CD96: variants seen among roughly 807,000 people sequenced by gnomAD.
CD96 encodes CD96 molecule, also known as T-cell surface protein tactile.
A neutral mutation model predicts 71.3 loss-of-function variants in CD96; 70 were observed. That is an observed-to-expected ratio of 0.98 (90% CI 0.81 to 1.20). The LOEUF (loss-of-function observed/expected upper bound fraction) is 1.20. Ranked by LOEUF, CD96 falls within the 50% of genes most tolerant of loss-of-function variation. The pLI is 0.00. For missense variants in CD96, 742 were observed against 677.5 expected (o/e 1.10, Z -1.06); for synonymous variants, 248 against 233.0 (o/e 1.06, Z -0.59).
chr3:111,598,099 C>A (rs1559746815), intron 5 of CD96, 21 bp from the exon 6 acceptor site: 2 of 1,065,650 alleles, frequency 1.9e-6, no homozygotes, highest in Non-Finnish European at 1.5e-6. Context: ...GCAAATAATC[C>A]TTTTTCTGTC....
rs923047464 is a variant in CD96, at chr3:111,595,794, G to C, written c.808-2326G>C. 1.5e-4 allele frequency among the ~76,000 whole-genome samples: 23 copies of C among 151,998 alleles called. No individual in the cohort carries two copies. In the East Asian group the frequency reaches 4.2e-3, roughly 28 times the overall value. ...TAGATTGAGAAGGAAAACCTACCAA[G>C]AGGAGATAGGAAGACTCTAAAGAAG... On this transcript the variant is annotated intron_variant, in intron 5 of 13. Coordinates refer to ENST00000352690, the MANE Select transcript of CD96 (RefSeq NM_005816.5).
At chr3:111,554,634 A>G (rs907128958) in intron 2 of CD96, among the ~76,000 whole-genome samples, 25 of 152,120 alleles carry the variant, frequency 1.6e-4, no homozygotes, top group African/African-American at 5.6e-4. Flanking sequence ...TCAACAGTTC[A>G]GTGTTAAATT....
intron 10 of CD96, among the ~76,000 whole-genome samples, chr3:111,635,718 T>A (rs1939295655): frequency 6.6e-6 from 1 of 152,200 alleles, no homozygotes; most frequent in Non-Finnish European, 1.5e-5. Flanking sequence ...TATTTTTAAA[T>A]ACCCATTTTC....
At chr3:111,603,979 C>T (rs1004569358) in intron 7 of CD96, among the ~76,000 whole-genome samples, 7 of 152,086 alleles carry the variant, frequency 4.6e-5, no homozygotes, top group Non-Finnish European at 8.8e-5. Context: ...AGGGATCTTG[C>T]TAAAATACAA....
intron 2 of CD96, among the ~76,000 whole-genome samples, chr3:111,556,854 T>A (rs1381442997): frequency 6.6e-6 from 1 of 150,662 alleles, no homozygotes; most frequent in Non-Finnish European, 1.5e-5. Flanking sequence ...CTCCACATCC[T>A]CTCCAGCACC....
intron 10 of CD96, among the ~76,000 whole-genome samples, chr3:111,636,737 A>G (rs541022423): frequency 6.6e-6 from 1 of 152,362 alleles, no homozygotes; most frequent in Admixed American, 6.5e-5. Flanking sequence ...TTCACAGTTC[A>G]GCAAGACTGT....
At chr3:111,598,607 C>T (rs1937360340) in intron 6 of CD96, among the ~76,000 whole-genome samples, 1 of 152,224 alleles carries the variant, frequency 6.6e-6, no homozygotes, top group Admixed American at 6.5e-5. Context: ...TAACTTAGCA[C>T]CGCTGCTTTA....
intron 10 of CD96, chr3:111,634,351 T>G (rs1316438224): frequency 6.6e-6 from 1 of 152,212 alleles, no homozygotes; most frequent in Non-Finnish European, 1.5e-5. Flanking sequence ...AATCTGATGT[T>G]ATGCTCAAGG....
chr3:111,611,745 C>T (rs1937948879), intron 8 of CD96, among the ~76,000 whole-genome samples: 1 of 152,186 alleles, frequency 6.6e-6, no homozygotes, highest in Non-Finnish European at 1.5e-5. Context: ...AATGGATCTT[C>T]ACATTCGCAT....
At chr3:111,627,168 G>T (rs544640902) in intron 10 of CD96, among the ~76,000 whole-genome samples, 2 of 152,342 alleles carry the variant, frequency 1.3e-5, no homozygotes, top group African/African-American at 4.8e-5. Flanking sequence ...TCACTGGGCA[G>T]GACCTCACAG....
chr3:111,644,766 A>G (rs949384788), intron 12 of CD96, among the ~76,000 whole-genome samples: 1 of 152,192 alleles, frequency 6.6e-6, no homozygotes, highest in South Asian at 2.1e-4. Context: ...ATATGAAAAA[A>G]TGCTCAACAT....
At chr3:111,654,011 A>G (rs923509707), downstream of CD96, among the ~76,000 whole-genome samples, 6 of 152,142 alleles carry the variant, frequency 3.9e-5, no homozygotes, top group Non-Finnish European at 7.4e-5. Flanking sequence ...GAGATAATGA[A>G]AAATGTCTCA....
intron 8 of CD96, among the ~76,000 whole-genome samples, chr3:111,622,585 A>G (rs974248529): frequency 6.6e-6 from 1 of 152,172 alleles, no homozygotes; most frequent in Non-Finnish European, 1.5e-5. Flanking sequence ...CATGTTCTCT[A>G]TTTAAGGCAT....
intron 8 of CD96, among the ~76,000 whole-genome samples, chr3:111,617,608 G>A (rs1938308842): frequency 6.6e-6 from 1 of 152,102 alleles, no homozygotes; most frequent in African/African-American, 2.4e-5. Context: ...ACACTCATTG[G>A]GACAGCCTGC....
intron 7 of CD96, among the ~76,000 whole-genome samples, chr3:111,604,264 A>T (rs1553970): frequency 0.45 from 68,754 of 151,998 alleles, 18,722 homozygotes; most frequent in Non-Finnish European, 0.6. Flanking sequence ...ACTCAAATGG[A>T]CACACCCAGG....
At chr3:111,617,157 G>A (rs559361769) in intron 8 of CD96, among the ~76,000 whole-genome samples, 8 of 152,352 alleles carry the variant, frequency 5.3e-5, no homozygotes, top group Admixed American at 2.0e-4. Flanking sequence ...GGGCAGCTGG[G>A]TGCAGGCCTG....
rs533022026 is a variant in CD96 at position 111,659,176 on chromosome 3, T to C, written c.*53-6351T>C. Among the ~76,000 whole-genome samples the C allele has an allele frequency of 3.9e-5, 6 of 152,344 alleles. No individual in the cohort carries two copies. In the East Asian group the frequency reaches 1.2e-3, roughly 29 times the overall value. On this transcript the variant is annotated intron_variant and NMD_transcript_variant, in intron 14 of 14. Transcript: ENST00000494798. ...GATTTTCTAACTTCTGTGCATATAG[T>C]TGATCATAGTCCCTGAGGATCTTTT... is the stretch of plus-strand genomic sequence containing the variant.
intron 8 of CD96, among the ~76,000 whole-genome samples, chr3:111,618,046 C>A (rs1216656365): frequency 6.6e-6 from 1 of 152,232 alleles, no homozygotes; most frequent in Non-Finnish European, 1.5e-5. Context: ...GAGTCGGCAC[C>A]CATGCTGGAG....
chr3:111,650,724 T>A lies in CD96; in HGVS notation c.*918T>A, dbSNP rs1054450028. The A allele has an allele frequency of 3.9e-5, 6 of 152,260 alleles. No homozygotes were observed. Among genetic ancestry groups the A allele is most frequent in the African/African-American group, 1.2e-4 (5 of 41,466 alleles). The allele number at this position is 152,260 out of a possible 1,614,324, so 9.4% of individuals were successfully genotyped here. On this transcript the variant is annotated 3_prime_UTR_variant, in exon 14 of 14. Transcript: ENST00000352690. ...AAAGAGCCTCAAATCAGACCAGCACTGATTAATTAACCCTGCTCCTACCAA... is the reference window on the plus strand; with the variant it reads ...AAAGAGCCTCAAATCAGACCAGCACAGATTAATTAACCCTGCTCCTACCAA...
Sources: gnomAD v4.1 joint callset for allele counts (sites outside exome capture counted in the v4.1 genomes callset) on GRCh38, gnomAD v4.1.1 for gene constraint, MANE v1.5 for transcripts, NCBI Gene and HGNC (gene_info 2026-07-23, HGNC 2026-07-21) for gene names.